NR6A1: variants seen among roughly 807,000 people sequenced by gnomAD.
NR6A1 encodes nuclear receptor subfamily 6 group A member 1, also known as retinoic acid receptor-related testis-associated receptor.
NR6A1 carries 7 observed loss-of-function variants against 59.1 expected under a neutral mutation model. That is an observed-to-expected ratio of 0.12 (90% CI 0.07 to 0.22). The LOEUF (loss-of-function observed/expected upper bound fraction) is 0.22. Among genes scored for constraint, NR6A1 ranks in the 10% least tolerant of loss-of-function variants. The pLI is 1.00. For missense variants in NR6A1, 468 were observed against 611.6 expected, an observed-to-expected ratio of 0.77 and a Z score of 2.48; for synonymous variants, 243 against 236.1, an observed-to-expected ratio of 1.03 and a Z score of -0.27.
chr9:124,574,739 C>T (rs1834540082), intron 2 of NR6A1, among the ~76,000 whole-genome samples: 1 of 152,178 alleles, frequency 6.6e-6, no homozygotes, highest in Admixed American at 6.5e-5. Context: ...GGAAATGCCA[C>T]ATGAAAATAT....
At chr9:124,701,849 G>A (rs1282803770) in intron 2 of NR6A1, among the ~76,000 whole-genome samples, 2 of 151,922 alleles carry the variant, frequency 1.3e-5, no homozygotes, top group Non-Finnish European at 2.9e-5. Flanking sequence ...TCAGCCTCCC[G>A]AGTAGCTGGG....
intron 2 of NR6A1, among the ~76,000 whole-genome samples, chr9:124,697,571 T>A (rs1838807659): frequency 6.6e-6 from 1 of 151,676 alleles, no homozygotes; most frequent in Non-Finnish European, 1.5e-5. Context: ...TGGTATGTTG[T>A]GTAGGCCAAA....
intron 2 of NR6A1, among the ~76,000 whole-genome samples, chr9:124,689,641 C>T (rs1444366604): frequency 6.6e-6 from 1 of 152,162 alleles, no homozygotes; most frequent in African/African-American, 2.4e-5. Context: ...AGTTAACTGA[C>T]ACTCTGAGAC....
At chr9:124,548,885 C>G (rs950159899) in intron 3 of NR6A1, among the ~76,000 whole-genome samples, 1 of 151,960 alleles carries the variant, frequency 6.6e-6, no homozygotes, top group Non-Finnish European at 1.5e-5. Flanking sequence ...ATCCTCATTT[C>G]TCCTCTGACA....
chr9:124,560,192 G>A (rs944304735), intron 2 of NR6A1, among the ~76,000 whole-genome samples: 2 of 152,164 alleles, frequency 1.3e-5, no homozygotes, highest in African/African-American at 4.8e-5. Flanking sequence ...CTGTTTCACA[G>A]GCACCTAAAA....
At chr9:124,755,466 C>A (rs1257958439) in intron 1 of NR6A1, among the ~76,000 whole-genome samples, 4 of 152,160 alleles carry the variant, frequency 2.6e-5, no homozygotes, top group Admixed American at 2.6e-4. Context: ...TCTGCAAGAT[C>A]TATGTAACAC....
Position 124,535,865 on chromosome 9 carries a change from C to T in NR6A1, c.1079+13G>A. On this transcript the variant is annotated intron_variant, in intron 7 of 9. Transcript: ENST00000487099. ...GGTTGTTTGGTATTTCCTCCCCAGC[C>T]AGGAGGCCTCACCTGTGTAGTTCTT... The T allele has an allele frequency of 1.2e-6, 2 of 1,613,356 alleles. No homozygotes were observed. The highest frequency in any genetic ancestry group is 1.7e-6 in the Non-Finnish European group (2 of 1,179,418).
intron 1 of NR6A1, among the ~76,000 whole-genome samples, chr9:124,736,521 A>G (rs1225814607): frequency 6.6e-6 from 1 of 152,196 alleles, no homozygotes; most frequent in Admixed American, 6.5e-5. Context: ...TGGGATCAAC[A>G]ACAGCACCTA....
In NR6A1 at chr9:124,681,385, AG is replaced by A. The variant is rs543849199; in HGVS notation, c.142+51922del. Among the ~76,000 whole-genome samples, 630 of 126,964 alleles carry A rather than the reference AG, an allele frequency of 5.0e-3. 2 individuals are homozygous for A. Among genetic ancestry groups the A allele is most frequent in the Admixed American group, 0.015 (145 of 9,682 alleles). The allele number at this position is 126,964 out of a possible 152,430, so 83.3% of individuals were successfully genotyped here. ...GAGATGGAGTCTCACTCTGTCACCC[AG>A]GCTGGAGTGCAATGGTATGGTCTCG... On this transcript the variant is annotated intron_variant, in intron 2 of 9. Coordinates refer to ENST00000487099, the MANE Select transcript of NR6A1 (RefSeq NM_033334.4).
chr9:124,668,037 C>G (rs1428362196), intron 2 of NR6A1, among the ~76,000 whole-genome samples: 3 of 152,074 alleles, frequency 2.0e-5, no homozygotes, highest in African/African-American at 7.2e-5. Context: ...AGTCAAAAAT[C>G]CATGTATAAT....
At chr9:124,765,756 C>A (rs4838208) in intron 1 of NR6A1, among the ~76,000 whole-genome samples, 93,759 of 151,832 alleles carry the variant, frequency 0.62, 30,485 homozygotes, top group African/African-American at 0.83. Flanking sequence ...ACTGAAAAAA[C>A]TCTGGGTTTT....
At chr9:124,559,056 C>CA (rs1348711031) in intron 2 of NR6A1, among the ~76,000 whole-genome samples, 8 of 152,082 alleles carry the variant, frequency 5.3e-5, no homozygotes, top group African/African-American at 1.9e-4. Flanking sequence ...ATAGATAAGG[C>CA]AAAAAACAGT....
At chr9:124,743,502 G>T (rs1840235246) in intron 1 of NR6A1, among the ~76,000 whole-genome samples, 1 of 152,072 alleles carries the variant, frequency 6.6e-6, no homozygotes, top group African/African-American at 2.4e-5. Context: ...CCATGTATTT[G>T]CTCAGCTTAA....
At chr9:124,586,329 G>C (rs1313245899) in intron 2 of NR6A1, among the ~76,000 whole-genome samples, 2 of 152,178 alleles carry the variant, frequency 1.3e-5, no homozygotes, top group African/African-American at 2.4e-5. Flanking sequence ...AACCCTCATG[G>C]ATGACTTTGA....
intron 2 of NR6A1, among the ~76,000 whole-genome samples, chr9:124,657,344 A>G (rs1251236282): frequency 6.6e-6 from 1 of 152,254 alleles, no homozygotes; most frequent in Non-Finnish European, 1.5e-5. Context: ...ACTGTGAGAA[A>G]GGCAAGAAAT....
At chr9:124,734,295 G>A (rs764109342) in intron 1 of NR6A1, among the ~76,000 whole-genome samples, 10 of 152,182 alleles carry the variant, frequency 6.6e-5, no homozygotes, top group Admixed American at 2.6e-4. Context: ...GCGGGGATCC[G>A]ACCTGCCTTG....
intron 1 of NR6A1, among the ~76,000 whole-genome samples, chr9:124,765,254 CCAAA>C (rs1446619805): frequency 1.3e-5 from 2 of 152,048 alleles, no homozygotes; most frequent in African/African-American, 2.4e-5. Context: ...TTTATTTGTC[CCAAA>C]CACACACTCC....
At chr9:124,624,129 C>T (rs1480825983) in intron 2 of NR6A1, among the ~76,000 whole-genome samples, 1 of 152,164 alleles carries the variant, frequency 6.6e-6, no homozygotes, top group Non-Finnish European at 1.5e-5. Flanking sequence ...ACTACCATGC[C>T]ATACTGGTGG....
chr9:124,725,644 T>C (rs1446829057), intron 2 of NR6A1, among the ~76,000 whole-genome samples: 3 of 152,166 alleles, frequency 2.0e-5, no homozygotes, highest in African/African-American at 4.8e-5. Flanking sequence ...CAAGGAAATC[T>C]GTAATATCCT....
Sources: allele counts gnomAD v4.1 joint callset (sites outside exome capture counted in the v4.1 genomes callset), GRCh38; gene constraint gnomAD v4.1.1; transcripts MANE v1.5; gene names NCBI Gene and HGNC (gene_info 2026-07-23, HGNC 2026-07-21).